The following KCND2 variants were observed in gnomAD, a reference collection of about 807,000 sequenced individuals.
KCND2 encodes potassium voltage-gated channel subfamily D member 2.
A neutral mutation model predicts 54.4 loss-of-function variants in KCND2; 16 were observed. The ratio of observed to expected loss-of-function variants is 0.29; its 90% CI spans 0.20 to 0.45. The LOEUF (loss-of-function observed/expected upper bound fraction) is 0.45, where lower values mean the gene tolerates loss of function less well. Ranked by LOEUF, KCND2 falls within the 20% of genes least tolerant of loss-of-function variation. KCND2 has a pLI of 1.00. For synonymous variants in KCND2, 317 were observed against 310.7 expected (o/e 1.02, Z -0.21); for missense variants, 486 against 824.2 (o/e 0.59, Z 5.02).
At chr7:120,722,106 A>G (rs950071834) in intron 1 of KCND2, among the ~76,000 whole-genome samples, 4 of 152,148 alleles carry the variant, frequency 2.6e-5, no homozygotes, top group Non-Finnish European at 5.9e-5. Context: ...TAAATTGTCC[A>G]GTCTCAGGTA....
intron 1 of KCND2, among the ~76,000 whole-genome samples, chr7:120,571,573 A>G (rs961699109): frequency 2.0e-5 from 3 of 152,238 alleles, no homozygotes; most frequent in African/African-American, 7.2e-5. Context: ...AGGAAACAAT[A>G]TAAGTTTAGA....
intron 1 of KCND2, among the ~76,000 whole-genome samples, chr7:120,677,019 T>C (rs1302443960): frequency 6.6e-6 from 1 of 152,188 alleles, no homozygotes; most frequent in Non-Finnish European, 1.5e-5. Context: ...TTAAATCCAA[T>C]GGGTAATACC....
At chr7:120,355,691 C>T (rs1312968221) in intron 1 of KCND2, among the ~76,000 whole-genome samples, 7 of 152,138 alleles carry the variant, frequency 4.6e-5, no homozygotes, top group South Asian at 2.1e-4. Flanking sequence ...ATTTGAAGTA[C>T]GCTTTCCCCT....
At chr7:120,703,702 T>A (rs908046569) in intron 1 of KCND2, among the ~76,000 whole-genome samples, 10 of 152,168 alleles carry the variant, frequency 6.6e-5, no homozygotes, top group African/African-American at 2.4e-4. Flanking sequence ...ATGTGGCACC[T>A]GCAGGAGGAG....
rs191371243 is a variant in KCND2, at chr7:120,704,588, A to G, written c.1116-28315A>G. On this transcript the variant is annotated intron_variant, in intron 1 of 5. Coordinates refer to ENST00000331113, the MANE Select transcript of KCND2 (RefSeq NM_012281.3). The stretch of plus-strand genomic sequence containing the variant: ...AGATCACTGATTTCAATGGCAAGCT[A>G]TAATCATTTGCAGATAGTAAGAAAA... 2.0e-5 allele frequency among the ~76,000 whole-genome samples: 3 copies of G among 152,348 alleles called. No individual in the cohort carries two copies. The East Asian group carries it at 5.8e-4, about 29-fold the overall frequency.
intron 1 of KCND2, among the ~76,000 whole-genome samples, chr7:120,479,860 C>T (rs1287175569): frequency 6.9e-6 from 1 of 145,752 alleles, no homozygotes; most frequent in Non-Finnish European, 1.5e-5. Context: ...TCCCAGCTAT[C>T]GGTGGCTGAA....
intron 5 of KCND2, among the ~76,000 whole-genome samples, chr7:120,747,193 A>AT (rs1793017948): frequency 6.6e-6 from 1 of 152,006 alleles, no homozygotes; most frequent in Admixed American, 6.6e-5. Flanking sequence ...GTAATAGATA[A>AT]TTTTTTTATT....
chr7:120,369,361 ACT>A (rs1800732926), intron 1 of KCND2, among the ~76,000 whole-genome samples: 2 of 152,090 alleles, frequency 1.3e-5, no homozygotes, highest in African/African-American at 4.8e-5. Flanking sequence ...GAAAAAAGAT[ACT>A]ATTTTAATCT....
intron 1 of KCND2, among the ~76,000 whole-genome samples, chr7:120,339,152 A>T (rs1290399123): frequency 6.6e-6 from 1 of 151,530 alleles, no homozygotes; most frequent in Admixed American, 6.6e-5. Context: ...CAGCCTCCCA[A>T]AGTGCTGGGA....
At chr7:120,591,206 C>A (rs1026962208) in intron 1 of KCND2, among the ~76,000 whole-genome samples, 1 of 152,088 alleles carries the variant, frequency 6.6e-6, no homozygotes, top group Non-Finnish European at 1.5e-5. Context: ...CAAGTTTTTA[C>A]AAATTTGGTG....
intron 1 of KCND2, among the ~76,000 whole-genome samples, chr7:120,576,017 C>G (rs1315380235): frequency 1.4e-5 from 1 of 73,996 alleles, no homozygotes; most frequent in East Asian, 2.7e-4. Context: ...TCCTGATTCT[C>G]TCACAACTCT....
At chr7:120,624,545 C>A (rs1793141227) in intron 1 of KCND2, among the ~76,000 whole-genome samples, 2 of 152,016 alleles carry the variant, frequency 1.3e-5, no homozygotes, top group Non-Finnish European at 2.9e-5. Flanking sequence ...TTTGAGGGAC[C>A]AAGGCAGGTG....
intron 2 of KCND2, 120 bp from the exon 3 acceptor site, chr7:120,741,414 G>A: frequency 1.4e-6 from 1 of 726,008 alleles, no homozygotes; most frequent in Non-Finnish European, 2.5e-6. Flanking sequence ...AGTTGCATTT[G>A]AAAAGCTGGC....
chr7:120,419,340 T>A (rs111818061), intron 1 of KCND2, among the ~76,000 whole-genome samples: 12 of 152,018 alleles, frequency 7.9e-5, no homozygotes, highest in African/African-American at 2.4e-4. Context: ...CTTTTGCATT[T>A]AAAAAAAATA....
chr7:120,593,746 T>C (rs1792699503), intron 1 of KCND2, among the ~76,000 whole-genome samples: 1 of 152,092 alleles, frequency 6.6e-6, no homozygotes, highest in African/African-American at 2.4e-5. Context: ...AGTACAAATA[T>C]GGCCCCACAG....
chr7:120,378,615 A>G (rs1284602815), intron 1 of KCND2, among the ~76,000 whole-genome samples: 6 of 152,008 alleles, frequency 3.9e-5, no homozygotes, highest in Non-Finnish European at 5.9e-5. Context: ...TATTACTACA[A>G]CAAAACTACG....
At chr7:120,563,679 T>C (rs751708354) in intron 1 of KCND2, among the ~76,000 whole-genome samples, 1 of 152,156 alleles carries the variant, frequency 6.6e-6, no homozygotes, top group Non-Finnish European at 1.5e-5. Context: ...CAGGCCAAAC[T>C]GAACCCTCAC....
At chr7:120,347,371 G>T (rs1423449669) in intron 1 of KCND2, among the ~76,000 whole-genome samples, 2 of 151,740 alleles carry the variant, frequency 1.3e-5, no homozygotes, top group African/African-American at 4.8e-5. Context: ...CTGCATCTGG[G>T]CATGCTACTT....
intron 1 of KCND2, among the ~76,000 whole-genome samples, chr7:120,595,660 A>T (rs1460639763): frequency 6.7e-6 from 1 of 148,222 alleles, no homozygotes; most frequent in African/African-American, 2.5e-5. Context: ...AATATCTCAA[A>T]TACTGCATTG....
Sources: gnomAD v4.1 joint callset for allele counts (sites outside exome capture counted in the v4.1 genomes callset) on GRCh38, gnomAD v4.1.1 for gene constraint, MANE v1.5 for transcripts, NCBI Gene and HGNC (gene_info 2026-07-23, HGNC 2026-07-21) for gene names.